REN: variants seen among roughly 807,000 people sequenced by gnomAD.
REN encodes the protein renin, also known as angiotensin-forming enzyme.
In REN, 42 loss-of-function variants were observed where a neutral mutation model predicts 48.6. The observed-to-expected ratio is 0.86, with a 90% CI of 0.68 to 1.12. The LOEUF (loss-of-function observed/expected upper bound fraction) is 1.12, where lower values mean the gene tolerates loss of function less well. Among genes scored for constraint, REN ranks in the 50% most tolerant of loss-of-function variants. The probability of loss-of-function intolerance (pLI) is 0.00; values close to 1 mark genes in which losing one functional copy is unlikely to be tolerated. For missense variants in REN, 443 were observed against 527.3 expected, an observed-to-expected ratio of 0.84 and a Z score of 1.57; for synonymous variants, 196 against 204.6, an observed-to-expected ratio of 0.96 and a Z score of 0.36.
chr1:204,161,972 A>C, intron 2 of REN, 41 bp downstream of exon 2: 1 of 1,611,476 alleles, frequency 6.2e-7, no homozygotes, highest in Non-Finnish European at 8.5e-7. Context: ...CATGAGGGAA[A>C]GGAGACAGGG....
Position 204,156,842 on chromosome 1 carries a change from C to T in REN, c.699-46G>A, listed in dbSNP as rs746770013. The stretch of plus-strand genomic sequence containing the variant: ...TCTTGGAAACCCATAACCTCCAGGA[C>T]CCAGCAACTCAGGCAATTGGGGAAG... On this transcript the variant is annotated intron_variant, in intron 6 of 9. Coordinates refer to ENST00000272190, the MANE Select transcript of REN (RefSeq NM_000537.4). The surrounding 1 kb of genome is among the most constrained non-coding windows in gnomAD (Gnocchi z 4.2). The T allele has an allele frequency of 9.9e-6, 16 of 1,610,488 alleles. No individual in the cohort carries two copies. The highest frequency in any genetic ancestry group is 1.7e-4 in the Middle Eastern group (1 of 5,930).
In REN at chr1:204,161,350, A is replaced by G. The variant is rs1419151281; in HGVS notation, c.315T>C (p.Thr105=). 5 of 1,609,000 alleles carry G rather than the reference A, an allele frequency of 3.1e-6. No individual in the cohort carries two copies. The highest frequency in any genetic ancestry group is 4.2e-6 in the Non-Finnish European group (5 of 1,177,862). The change falls in exon 3 of 10, where the codon ACT becomes ACC. Residue 105 remains threonine (T), a synonymous_variant. Transcript: ENST00000272190. ...AGGGCACCCAAACATTGGACGAACC[A>G]GTGTCAAAGACGACTTTGAAGGTCT... ...PPQTFKVVFD[T]GSSNVWVPSS... is the part of the protein sequence containing the mutation.
In REN at chr1:204,161,202, AG is replaced by A. The variant is rs1658239829; in HGVS notation, c.373+89del. 8 of 1,415,146 alleles carry A rather than the reference AG, an allele frequency of 5.7e-6. No individual in the cohort carries two copies. In the East Asian group the frequency reaches 1.9e-4, roughly 34 times the overall value. 87.7% of individuals were successfully genotyped at this position (1,415,146 alleles called of 1,614,324 possible). A position where few individuals can be genotyped will look rare whatever the true frequency, so the allele number is the denominator to read the frequency against. ...AGAGGAAGCCACTCCCTTGGTGGCA[AG>A]AGGGATGGGAGCTGGGTGTTGGGCA... On this transcript the variant is annotated intron_variant, in intron 3 of 9. Coordinates refer to ENST00000272190, the MANE Select transcript of REN (RefSeq NM_000537.4).
At chr1:204,165,267 G>A (rs777652931) in intron 1 of REN, among the ~76,000 whole-genome samples, 1 of 152,066 alleles carries the variant, frequency 6.6e-6, no homozygotes, top group Non-Finnish European at 1.5e-5. Context: ...CACTGCTCCC[G>A]GCCAAACCTT....
chr1:204,154,928 G>T lies in REN; in HGVS notation c.*88C>A, dbSNP rs1159013067. 6 of 1,480,420 alleles carry T rather than the reference G, an allele frequency of 4.1e-6. No individual in the cohort carries two copies. The East Asian group carries it at 9.1e-5, about 23-fold the overall frequency. The allele number at this position is 1,480,420 out of a possible 1,614,324, so 91.7% of individuals were successfully genotyped here. ...CCACATCCAATGTCTCCATCTGAGG[G>T]CATAAGCCCAGGCAGAGGGGCATCT... On this transcript the variant is annotated 3_prime_UTR_variant, in exon 10 of 10. Coordinates refer to ENST00000272190, the MANE Select transcript of REN (RefSeq NM_000537.4).
rs1304182722 is a variant in REN at position 204,154,883 on chromosome 1, G to A, written c.*133C>T. On this transcript the variant is annotated 3_prime_UTR_variant, in exon 10 of 10. Coordinates refer to ENST00000272190, the MANE Select transcript of REN (RefSeq NM_000537.4). ...GGGAAGGGCTGGTGCAGGGGTCAGG[G>A]CACGCATCCAGCAGGAGCTCCACAT... The A allele has an allele frequency of 3.0e-6, 3 of 1,002,724 alleles. No homozygotes were observed. Among genetic ancestry groups the A allele is most frequent in the East Asian group, 5.1e-5 (2 of 39,028 alleles). The allele number at this position is 1,002,724 out of a possible 1,614,324, so 62.1% of individuals were successfully genotyped here.
intron 2 of REN, 122 bp downstream of exon 2, chr1:204,161,891 C>A: frequency 1.6e-6 from 2 of 1,247,572 alleles, no homozygotes; most frequent in Non-Finnish European, 2.3e-6. Flanking sequence ...AGGGTGCTCA[C>A]GTGCTACTCA....
At position 204,159,472 on chromosome 1, in the gene REN, C is replaced by A. The variant is rs750220974; in HGVS notation, c.616G>T (p.Val206Phe). 10 of 1,614,168 alleles carry A rather than the reference C, an allele frequency of 6.2e-6. No individual in the cohort carries two copies. Among genetic ancestry groups the A allele is most frequent in the Non-Finnish European group, 8.5e-6 (10 of 1,180,042 alleles). The change falls in exon 5 of 10, where the codon GTC becomes TTC. Residue 206 changes from valine (V) to phenylalanine (F), a missense_variant. Val to Phe is a conservative substitution (Grantham distance 50). Transcript: ENST00000272190. ...MGFIEQAIGR[V>F]TPIFDNIISQ... ...ATGATGTTGTCGAAGATAGGGGTGA[C>A]CCTGCCAATGGCCTGTTCAATGAAG...
At chr1:204,164,264 A>G (rs1222053344) in intron 1 of REN, among the ~76,000 whole-genome samples, 1 of 152,202 alleles carries the variant, frequency 6.6e-6, no homozygotes, top group Non-Finnish European at 1.5e-5. Context: ...AAGGGAAAGC[A>G]GTTTCGGAAG....
chr1:204,156,137 G>T lies in REN; in HGVS notation c.960+41C>A. The T allele has an allele frequency of 3.1e-6, 5 of 1,613,614 alleles. No homozygotes were observed. The highest frequency in any genetic ancestry group is 4.2e-6 in the Non-Finnish European group (5 of 1,179,832). ...GATTTGTGAGCCGATACCAGGTGGC[G>T]CTCCCCCCACCCACAGCACCTTCCC... On this transcript the variant is annotated intron_variant, in intron 8 of 9. Transcript: ENST00000272190. This position sits in a 1 kb window ranked among gnomAD's most constrained non-coding sequence, Gnocchi z 4.2.
Position 204,155,063 on chromosome 1 carries a change from CT to C in REN, c.1173del (p.Glu392SerfsTer71). The C allele has an allele frequency of 6.2e-7, 1 of 1,614,240 alleles. No individual in the cohort carries two copies. The highest frequency in any genetic ancestry group is 8.5e-7 in the Non-Finnish European group (1 of 1,180,048). ...ATGCGGTTGTTACGCCGATCAAACT[CT>C]GTGTAGAACTTTCGGATGAAGGTGG... The part of the protein sequence containing the change: ...LGATFIRKFY[T>X]EFDRRNNRIG... On this transcript the variant is annotated frameshift_variant, in exon 10 of 10. Transcript: ENST00000272190. LOFTEE classifies it high-confidence loss of function.
Position 204,155,049 on chromosome 1 carries a change from AC to A in REN, c.1187del (p.Arg396LeufsTer67). On this transcript the variant is annotated frameshift_variant, in exon 10 of 10. Coordinates refer to ENST00000272190, the MANE Select transcript of REN (RefSeq NM_000537.4). LOFTEE classifies it high-confidence loss of function. Reference protein sequence around the residue: ...IRKFYTEFDRRNNRIGFALAR With the variant: ...IRKFYTEFDRXNNRIGFALAR ...CCAAGGCGAAGCCAATGCGGTTGTT[AC>A]GCCGATCAAACTCTGTGTAGAACTT... The A allele has an allele frequency of 6.2e-7, 1 of 1,614,200 alleles. No homozygotes were observed. Among genetic ancestry groups the A allele is most frequent in the Non-Finnish European group, 8.5e-7 (1 of 1,180,036 alleles).
At chr1:204,161,909 C>T (rs1479279982) in intron 2 of REN, 104 bp downstream of exon 2, 8 of 1,467,652 alleles carry the variant, frequency 5.5e-6, no homozygotes, top group East Asian at 4.6e-5. Flanking sequence ...TCAGCGCCTT[C>T]GTCAAACACA....
intron 2 of REN, 48 bp from the exon 3 acceptor site, chr1:204,161,463 T>A: frequency 7.1e-7 from 1 of 1,404,330 alleles, no homozygotes; most frequent in Non-Finnish European, 9.3e-7. Flanking sequence ...GGACCTTGGG[T>A]CTTGGGGTCT....
At position 204,156,115 on chromosome 1, in the gene REN, T is replaced by C; in HGVS notation, c.960+63A>G. 10 of 1,610,232 alleles carry C rather than the reference T, an allele frequency of 6.2e-6. No homozygotes were observed. In the South Asian group the frequency reaches 1.1e-4, roughly 18 times the overall value. ...AGATGGCCTCATTTGCCTGGGGGAT[T>C]TGTGAGCCGATACCAGGTGGCGCTC... On this transcript the variant is annotated intron_variant, in intron 8 of 9. Coordinates refer to ENST00000272190, the MANE Select transcript of REN (RefSeq NM_000537.4). The surrounding 1 kb of genome is among the most constrained non-coding windows in gnomAD (Gnocchi z 4.2).
intron 1 of REN, among the ~76,000 whole-genome samples, chr1:204,165,232 A>G (rs1658323182): frequency 1.3e-5 from 2 of 152,156 alleles, no homozygotes; most frequent in African/African-American, 4.8e-5. Context: ...CGGCCTCCCA[A>G]AGTGTTGGGA....
At chr1:204,158,411 CTTTTTTTTTT>C (rs576572389) in intron 5 of REN, among the ~76,000 whole-genome samples, 1 of 97,220 alleles carries the variant, frequency 1.0e-5, no homozygotes, top group African/African-American at 4.7e-5. Context: ...ACCCTTGTGA[CTTTTTTTTTT>C]TTTTTTTTTT....
At position 204,155,300 on chromosome 1, in the gene REN, A is replaced by G. The variant is rs1458608431; in HGVS notation, c.1060-123T>C. The G allele has an allele frequency of 7.2e-6, 8 of 1,109,844 alleles. No homozygotes were observed. In the Admixed American group the frequency reaches 1.3e-4, roughly 19 times the overall value. 68.7% of individuals were successfully genotyped at this position (1,109,844 alleles called of 1,614,324 possible). On this transcript the variant is annotated intron_variant, in intron 9 of 9. Transcript: ENST00000272190. ...TCTCGCCCCCATCTCTCCCCTAGCCACACTGGGCCTCCCTCACATCATGGC... is the reference window on the plus strand; with the variant it reads ...TCTCGCCCCCATCTCTCCCCTAGCCGCACTGGGCCTCCCTCACATCATGGC...
chr1:204,159,331 T>C (rs1358768586), intron 5 of REN, 68 bp downstream of exon 5: 1 of 1,430,114 alleles, frequency 7.0e-7, no homozygotes, highest in African/African-American at 1.4e-5. Context: ...GCCCAGACTC[T>C]CCTTCCACTC....
Sources: gnomAD v4.1 joint callset for allele counts (sites outside exome capture counted in the v4.1 genomes callset) on GRCh38, gnomAD v4.1.1 for gene constraint, Gnocchi (gnomAD v3.1) non-coding constraint, MANE v1.5 for transcripts, NCBI Gene and HGNC (gene_info 2026-07-23, HGNC 2026-07-21) for gene names.